Variants in ATP2B1 observed in about 807,000 individuals in gnomAD.
ATP2B1 encodes the protein plasma membrane calcium-transporting ATPase 1.
A neutral mutation model predicts 124.2 loss-of-function variants in ATP2B1; 14 were observed. The ratio of observed to expected loss-of-function variants is 0.11; its 90% CI spans 0.07 to 0.18. The LOEUF (loss-of-function observed/expected upper bound fraction) is 0.18, where lower values mean the gene tolerates loss of function less well. Among genes scored for constraint, ATP2B1 ranks in the 10% least tolerant of loss-of-function variants. The pLI is 1.00. For missense variants in ATP2B1, 763 were observed against 1,466.1 expected, an observed-to-expected ratio of 0.52 and a Z score of 7.83; for synonymous variants, 449 against 492.4, an observed-to-expected ratio of 0.91 and a Z score of 1.17.
chr12:89,697,912 G>C (rs1184466202), intron 1 of ATP2B1, among the ~76,000 whole-genome samples: 1 of 151,990 alleles, frequency 6.6e-6, no homozygotes, highest in Non-Finnish European at 1.5e-5. Flanking sequence ...GTCTCGCTCT[G>C]TTGTCCAGGC....
At chr12:89,644,814 CT>C (rs1220059082) in intron 2 of ATP2B1, among the ~76,000 whole-genome samples, 1 of 152,130 alleles carries the variant, frequency 6.6e-6, no homozygotes, top group African/African-American at 2.4e-5. Flanking sequence ...ATTATCACCA[CT>C]AAAAAATAAT....
At chr12:89,676,483 G>T (rs547223175) in intron 1 of ATP2B1, among the ~76,000 whole-genome samples, 2 of 151,956 alleles carry the variant, frequency 1.3e-5, no homozygotes, top group South Asian at 4.2e-4. Flanking sequence ...GTAGAGACAG[G>T]GTCTCACTAC....
At chr12:89,640,016 A>C (rs1883267680) in intron 3 of ATP2B1, among the ~76,000 whole-genome samples, 1 of 152,238 alleles carries the variant, frequency 6.6e-6, no homozygotes, top group African/African-American at 2.4e-5. Flanking sequence ...TATGTTGCTG[A>C]AGATGATATG....
Position 89,619,992 on chromosome 12 carries a change from C to T in ATP2B1, c.1829+7G>A. On this transcript the variant is annotated splice_region_variant and intron_variant, in intron 11 of 20. Transcript: ENST00000428670. ...GCAATTTATTCATCCAAGCATTTTA[C>T]TCTTACTTTTTCAGAATTATCTCAG... 6.2e-7 allele frequency: 1 copy of T among 1,612,954 alleles called. No individual in the cohort carries two copies. Among genetic ancestry groups the T allele is most frequent in the Non-Finnish European group, 8.5e-7 (1 of 1,179,212 alleles).
At chr12:89,622,654 T>C (rs921065858) in intron 9 of ATP2B1, among the ~76,000 whole-genome samples, 1 of 152,124 alleles carries the variant, frequency 6.6e-6, no homozygotes, top group Non-Finnish European at 1.5e-5. Context: ...CGGATGTGTA[T>C]TTCCTAAATT....
At chr12:89,678,678 C>A (rs1208059728) in intron 1 of ATP2B1, among the ~76,000 whole-genome samples, 1 of 152,122 alleles carries the variant, frequency 6.6e-6, no homozygotes, top group Non-Finnish European at 1.5e-5. Context: ...TCAAGACTTG[C>A]CTTAAGAAGC....
Position 89,590,247 on chromosome 12 carries a change from T to C in ATP2B1, c.*737A>G, listed in dbSNP as rs1873313017. Reference sequence around the variant, plus strand: ...AACTAATTAGGACAGATGTCATAACTTCATTAGAACACCACTGCTCATGTT... The same window carrying C: ...AACTAATTAGGACAGATGTCATAACCTCATTAGAACACCACTGCTCATGTT... On this transcript the variant is annotated 3_prime_UTR_variant, in exon 21 of 21. Coordinates refer to ENST00000428670, the MANE Select transcript of ATP2B1 (RefSeq NM_001366521.1). The C allele has an allele frequency of 6.6e-6, 1 of 152,506 alleles. No homozygotes were observed. The highest frequency in any genetic ancestry group is 2.4e-5 in the African/African-American group (1 of 41,450). The allele number at this position is 152,506 out of a possible 1,614,324, so 9.4% of individuals were successfully genotyped here.
chr12:89,663,642 C>T (rs1220600638), intron 1 of ATP2B1, among the ~76,000 whole-genome samples: 1 of 152,206 alleles, frequency 6.6e-6, no homozygotes, highest in Non-Finnish European at 1.5e-5. Context: ...CTATCTCCCA[C>T]TCATAAATCA....
intron 1 of ATP2B1, among the ~76,000 whole-genome samples, chr12:89,659,682 G>A (rs1886438009): frequency 6.6e-6 from 1 of 152,136 alleles, no homozygotes; most frequent in South Asian, 2.1e-4. Flanking sequence ...CAGCACTTTG[G>A]GAGGCCGAGG....
At chr12:89,706,723 T>C (rs1046292390) in intron 1 of ATP2B1, among the ~76,000 whole-genome samples, 14 of 152,140 alleles carry the variant, frequency 9.2e-5, no homozygotes, top group Non-Finnish European at 2.1e-4. Flanking sequence ...CAAGAAGGCG[T>C]ACCCCGAATT....
At chr12:89,673,462 A>ATT (rs1179584980) in intron 1 of ATP2B1, among the ~76,000 whole-genome samples, 5 of 152,054 alleles carry the variant, frequency 3.3e-5, no homozygotes, top group Non-Finnish European at 7.4e-5. Flanking sequence ...TTTTCTTCCC[A>ATT]ACTTATCACA....
chr12:89,636,987 C>T (rs145449511), intron 3 of ATP2B1, among the ~76,000 whole-genome samples: 2 of 152,296 alleles, frequency 1.3e-5, no homozygotes, highest in Non-Finnish European at 2.9e-5. Flanking sequence ...AGCCAGAAGA[C>T]AGGAGATTAA....
Position 89,655,891 on chromosome 12 carries a change from A to T in ATP2B1, c.-5T>A. On this transcript the variant is annotated 5_prime_UTR_variant, in exon 2 of 21. The change creates a new upstream start codon in the 5' untranslated region. Coordinates refer to ENST00000428670, the MANE Select transcript of ATP2B1 (RefSeq NM_001366521.1). ...GTTGTTTGCCATGTCGCCCATTACA[A>T]GTATAATATATCAGAAGGAAAATGT... The T allele has an allele frequency of 6.4e-7, 1 of 1,562,890 alleles. No homozygotes were observed. Among genetic ancestry groups the T allele is most frequent in the Non-Finnish European group, 8.7e-7 (1 of 1,152,686 alleles).
chr12:89,673,154 T>C (rs1888198368), intron 1 of ATP2B1, among the ~76,000 whole-genome samples: 1 of 152,226 alleles, frequency 6.6e-6, no homozygotes, highest in Admixed American at 6.5e-5. Context: ...TGTTAATAGT[T>C]GTGCTGTGAA....
rs1162664658 is a variant in ATP2B1 at position 89,652,806 on chromosome 12, T to C, written c.208+2873A>G. On this transcript the variant is annotated intron_variant, in intron 2 of 20. Transcript: ENST00000428670. The stretch of plus-strand genomic sequence containing the variant: ...AGGCTGAGGTGCAGTGGTGCAATCA[T>C]AGCTCACTGCAGCCTCAAACTCCTG... Among the ~76,000 whole-genome samples the C allele has an allele frequency of 2.6e-5, 4 of 152,206 alleles. No individual in the cohort carries two copies. In the South Asian group the frequency reaches 8.3e-4, roughly 31 times the overall value.
intron 10 of ATP2B1, among the ~76,000 whole-genome samples, 154 bp from the exon 11 acceptor site, chr12:89,620,394 A>G (rs753592221): frequency 2.0e-5 from 3 of 152,210 alleles, no homozygotes; most frequent in Non-Finnish European, 4.4e-5. Flanking sequence ...TAAGGTAGAA[A>G]GGAGCCTGGG....
At chr12:89,694,425 T>G (rs976531385) in intron 1 of ATP2B1, among the ~76,000 whole-genome samples, 1 of 152,168 alleles carries the variant, frequency 6.6e-6, no homozygotes, top group Non-Finnish European at 1.5e-5. Context: ...CAAAGTTTCC[T>G]CCTTTCAACT....
At chr12:89,668,546 G>A (rs901389758) in intron 1 of ATP2B1, among the ~76,000 whole-genome samples, 1 of 152,144 alleles carries the variant, frequency 6.6e-6, no homozygotes, top group African/African-American at 2.4e-5. Context: ...AGCCTAAAGA[G>A]AGATTTGCAC....
chr12:89,653,383 G>T (rs930287162), intron 2 of ATP2B1, among the ~76,000 whole-genome samples: 1 of 136,416 alleles, frequency 7.3e-6, no homozygotes, highest in African/African-American at 2.8e-5. Flanking sequence ...TGCAAGCTCC[G>T]CTTCCCGGGT....
Sources: gnomAD v4.1 joint callset for allele counts (sites outside exome capture counted in the v4.1 genomes callset) on GRCh38, gnomAD v4.1.1 for gene constraint, MANE v1.5 for transcripts, NCBI Gene and HGNC (gene_info 2026-07-23, HGNC 2026-07-21) for gene names.